GRIK2: variants seen among roughly 807,000 people sequenced by gnomAD.
The protein encoded by GRIK2 is glutamate ionotropic receptor kainate type subunit 2, also known as glutamate receptor ionotropic, kainate 2.
GRIK2 carries 32 observed loss-of-function variants against 100.3 expected under a neutral mutation model. The observed-to-expected ratio is 0.32, with a 90% CI of 0.24 to 0.43. The LOEUF (loss-of-function observed/expected upper bound fraction) is 0.43. GRIK2 is among the 20% of genes least tolerant of loss of function. GRIK2 has a pLI of 1.00. For missense variants in GRIK2, 843 were observed against 1,114.9 expected, an observed-to-expected ratio of 0.76 and a Z score of 3.47; for synonymous variants, 417 against 389.4, an observed-to-expected ratio of 1.07 and a Z score of -0.83.
At chr6:101,924,456 C>T (rs1350019163) in intron 12 of GRIK2, 145 bp from the exon 13 acceptor site, 9 of 601,890 alleles carry the variant, frequency 1.5e-5, no homozygotes, top group Non-Finnish European at 2.4e-5. Context: ...CTTGCAGGCA[C>T]GTATATGAAA....
At chr6:101,763,657 A>G (rs1460364870) in intron 7 of GRIK2, among the ~76,000 whole-genome samples, 1 of 152,228 alleles carries the variant, frequency 6.6e-6, no homozygotes, top group African/African-American at 2.4e-5. Context: ...CAGATGAAAT[A>G]GTATAAATCT....
Position 101,935,194 on chromosome 6 carries a change from A to G in GRIK2, c.2085+6562A>G, listed in dbSNP as rs933359310. On this transcript the variant is annotated intron_variant, in intron 14 of 16. Transcript: ENST00000369134. ...AATGCTTTTACAATATGACAATTAG[A>G]AATTCTTTATGGTACTTCAGTAAGT... 7.9e-5 allele frequency among the ~76,000 whole-genome samples: 12 copies of G among 151,900 alleles called. No individual in the cohort carries two copies. In the South Asian group the frequency reaches 2.3e-3, roughly 29 times the overall value.
Position 101,497,712 on chromosome 6 carries a change from T to A in GRIK2, c.115+98320T>A, listed in dbSNP as rs535230122. ...AGCATCATATGCTTACCTTCATAGG[T>A]AATTTAAAGTTAACTTTTAAGTTCT... On this transcript the variant is annotated intron_variant, in intron 2 of 16. Coordinates refer to ENST00000369134, the MANE Select transcript of GRIK2 (RefSeq NM_021956.5). 7.2e-5 allele frequency among the ~76,000 whole-genome samples: 11 copies of A among 152,264 alleles called. No homozygotes were observed. In the South Asian group the frequency reaches 2.3e-3, roughly 32 times the overall value.
At chr6:101,761,573 A>T (rs898462067) in intron 7 of GRIK2, among the ~76,000 whole-genome samples, 1 of 152,164 alleles carries the variant, frequency 6.6e-6, no homozygotes, top group Non-Finnish European at 1.5e-5. Context: ...AGACTAAAAA[A>T]TTAACAAAAC....
chr6:101,411,495 A>G (rs942167093), intron 2 of GRIK2, among the ~76,000 whole-genome samples: 1 of 152,060 alleles, frequency 6.6e-6, no homozygotes, highest in Non-Finnish European at 1.5e-5. Flanking sequence ...CCCTTTATTT[A>G]TTTTACCAAA....
rs544117296 is a variant in GRIK2 at position 101,990,255 on chromosome 6, C to A, written c.2086-45086C>A. Among the ~76,000 whole-genome samples the A allele has an allele frequency of 5.9e-5, 9 of 151,698 alleles. No individual in the cohort carries two copies. The South Asian group carries it at 1.2e-3, about 21-fold the overall frequency. On this transcript the variant is annotated intron_variant, in intron 14 of 16. Transcript: ENST00000369134. Reference sequence around the variant, plus strand: ...CATTTTTTCTTACAATTCTTACAACCAACTTGCAATGTGAGCATTCCTATT... The same window carrying A: ...CATTTTTTCTTACAATTCTTACAACAAACTTGCAATGTGAGCATTCCTATT...
intron 12 of GRIK2, among the ~76,000 whole-genome samples, chr6:101,921,953 T>G (rs944716077): frequency 6.6e-6 from 1 of 151,928 alleles, no homozygotes; most frequent in Non-Finnish European, 1.5e-5. Context: ...AACATGTACA[T>G]TATTTTAATT....
chr6:101,803,620 G>A (rs1276537061), intron 9 of GRIK2, among the ~76,000 whole-genome samples: 2 of 151,834 alleles, frequency 1.3e-5, no homozygotes, highest in African/African-American at 4.8e-5. Flanking sequence ...CAGTAAGCTC[G>A]TGAGGAGTTT....
At chr6:101,807,619 T>C (rs1781085755) in intron 9 of GRIK2, among the ~76,000 whole-genome samples, 2 of 151,812 alleles carry the variant, frequency 1.3e-5, no homozygotes, top group Non-Finnish European at 2.9e-5. Flanking sequence ...ATTGCTGGCA[T>C]GAGGAAACTG....
At chr6:101,685,885 C>T (rs1293706518) in intron 6 of GRIK2, among the ~76,000 whole-genome samples, 1 of 152,030 alleles carries the variant, frequency 6.6e-6, no homozygotes, top group Non-Finnish European at 1.5e-5. Flanking sequence ...CTATCCTAAA[C>T]AGAGAGAAGA....
At chr6:101,589,731 G>T (rs1778551042) in intron 2 of GRIK2, among the ~76,000 whole-genome samples, 1 of 152,048 alleles carries the variant, frequency 6.6e-6, no homozygotes, top group South Asian at 2.1e-4. Context: ...TGGTTTACTA[G>T]CTCATGACTG....
intron 2 of GRIK2, among the ~76,000 whole-genome samples, chr6:101,474,558 G>T (rs1772128729): frequency 6.6e-6 from 1 of 151,684 alleles, no homozygotes; most frequent in African/African-American, 2.4e-5. Flanking sequence ...TTTTGCTTTA[G>T]CTTTTTCTAG....
At chr6:101,558,728 T>G (rs1316935234) in intron 2 of GRIK2, among the ~76,000 whole-genome samples, 1 of 151,944 alleles carries the variant, frequency 6.6e-6, no homozygotes, top group Non-Finnish European at 1.5e-5. Flanking sequence ...AAAACATTTC[T>G]TCTTTCATGT....
chr6:101,502,181 G>A (rs1388137862), intron 2 of GRIK2, among the ~76,000 whole-genome samples: 1 of 152,066 alleles, frequency 6.6e-6, no homozygotes, highest in African/African-American at 2.4e-5. Context: ...TACACTGTTG[G>A]TAAAAATATT....
intron 7 of GRIK2, among the ~76,000 whole-genome samples, chr6:101,786,056 G>GT (rs1248526681): frequency 6.6e-6 from 1 of 151,838 alleles, no homozygotes; most frequent in Non-Finnish European, 1.5e-5. Flanking sequence ...TATTCCTAAG[G>GT]TTTTTTACTT....
intron 2 of GRIK2, among the ~76,000 whole-genome samples, chr6:101,507,403 G>A (rs1774079973): frequency 1.3e-5 from 2 of 151,956 alleles, no homozygotes; most frequent in Admixed American, 6.6e-5. Flanking sequence ...TCATACATTA[G>A]AAATATTTCC....
intron 2 of GRIK2, among the ~76,000 whole-genome samples, chr6:101,438,621 AC>A (rs1338620173): frequency 1.3e-5 from 2 of 152,128 alleles, no homozygotes; most frequent in Non-Finnish European, 2.9e-5. Context: ...TCGTTCTGGC[AC>A]ACTCTTTTAA....
chr6:101,686,594 C>T (rs1239902302), intron 7 of GRIK2, among the ~76,000 whole-genome samples: 4 of 152,098 alleles, frequency 2.6e-5, no homozygotes, highest in African/African-American at 9.7e-5. Flanking sequence ...CAGGGTACTA[C>T]AACATAGGAA....
chr6:101,827,378 G>C (rs866007619), intron 10 of GRIK2, among the ~76,000 whole-genome samples: 1 of 151,666 alleles, frequency 6.6e-6, no homozygotes, highest in Non-Finnish European at 1.5e-5. Context: ...TAAATAATAA[G>C]CATGGTTTAT....
Sources: allele counts gnomAD v4.1 joint callset (sites outside exome capture counted in the v4.1 genomes callset), GRCh38; gene constraint gnomAD v4.1.1; transcripts MANE v1.5; gene names NCBI Gene and HGNC (gene_info 2026-07-23, HGNC 2026-07-21).